PTPRG: variants seen among roughly 807,000 people sequenced by gnomAD.
PTPRG encodes the protein protein tyrosine phosphatase receptor type G.
Under a neutral mutation model 165.3 loss-of-function variants are expected in PTPRG, and 102 were observed. That is an observed-to-expected ratio of 0.62 (90% confidence interval 0.53 to 0.73). The LOEUF is 0.73. Ranked by LOEUF, PTPRG falls within the 30% of genes least tolerant of loss-of-function variation. PTPRG has a pLI of 0.00. For missense variants in PTPRG, 1,866 were observed against 1,861.4 expected (o/e 1.00, Z -0.05); for synonymous variants, 675 against 669.5 (o/e 1.01, Z -0.13).
chr3:62,000,054 A>G (rs704343), intron 3 of PTPRG, among the ~76,000 whole-genome samples: 81,371 of 151,938 alleles, frequency 0.54, 22,442 homozygotes, highest in African/African-American at 0.66. Flanking sequence ...TGTAATCTCG[A>G]CACTTTGGGA....
intron 2 of PTPRG, among the ~76,000 whole-genome samples, chr3:61,879,115 G>A (rs1355830642): frequency 2.0e-5 from 3 of 152,160 alleles, no homozygotes; most frequent in African/African-American, 7.2e-5. Flanking sequence ...GATAAGTAAT[G>A]AACCAAAGGT....
At chr3:61,654,268 C>T (rs1047777282) in intron 1 of PTPRG, among the ~76,000 whole-genome samples, 1 of 152,016 alleles carries the variant, frequency 6.6e-6, no homozygotes, top group African/African-American at 2.4e-5. Flanking sequence ...AATTGATGTG[C>T]GTTCTCAAGT....
Position 62,003,408 on chromosome 3 carries a change from A to G in PTPRG, c.430A>G (p.Lys144Glu), listed in dbSNP as rs780514305. 6.2e-7 allele frequency: 1 copy of G among 1,614,072 alleles called. No individual in the cohort carries two copies. The highest frequency in any genetic ancestry group is 8.5e-7 in the Non-Finnish European group (1 of 1,179,958). The change falls in exon 4 of 30, where the codon AAA becomes GAA. Residue 144 changes from lysine to glutamate, a missense_variant. By Grantham distance (56) the Lys-to-Glu change is moderately conservative. Transcript: ENST00000474889. ...VSGAGLPGRF[K>E]AEKVEFHWGH... ...TGGAGCTGGTCTACCTGGCAGATTCAAAGCTGAGAAGGTGGAATTTCACTG... is the reference window on the plus strand; with the variant it reads ...TGGAGCTGGTCTACCTGGCAGATTCGAAGCTGAGAAGGTGGAATTTCACTG...
intron 2 of PTPRG, among the ~76,000 whole-genome samples, chr3:61,929,907 T>C (rs1032694036): frequency 3.9e-5 from 6 of 152,244 alleles, no homozygotes; most frequent in African/African-American, 7.2e-5. Context: ...GATAACAGTT[T>C]AGACTAAATA....
Position 62,273,067 on chromosome 3 carries a change from C to G in PTPRG, c.3304C>G (p.Leu1102Val), listed in dbSNP as rs774193514. The change falls in exon 22 of 30, where the codon CTC becomes GTC. Residue 1102 changes from leucine (L) to valine (V), a missense_variant. Around this residue, in one of 3 missense-constraint regions of PTPRG, gnomAD observed 1,452 missense variants for 1,463.0 expected, o/e 0.99. Coordinates refer to ENST00000474889, the MANE Select transcript of PTPRG (RefSeq NM_002841.4). The surrounding 1 kb of genome is among the most constrained non-coding windows in gnomAD (Gnocchi z 4.1). ...LKHIRTQRNY[L>V]VQTEEQYIFI... ...GCATATCAGGACACAGCGTAACTAC[C>G]TCGTCCAGACTGAGGTAAGGAGTAG... is the stretch of plus-strand genomic sequence containing the variant. The G allele has an allele frequency of 6.2e-7, 1 of 1,611,676 alleles. No homozygotes were observed. The highest frequency in any genetic ancestry group is 8.5e-7 in the Non-Finnish European group (1 of 1,179,170).
intron 5 of PTPRG, among the ~76,000 whole-genome samples, chr3:62,121,544 T>C (rs935703939): frequency 6.6e-6 from 1 of 152,162 alleles, no homozygotes; most frequent in African/African-American, 2.4e-5. Flanking sequence ...TAGTCTTAGG[T>C]ACCCAGCTTG....
intron 1 of PTPRG, among the ~76,000 whole-genome samples, chr3:61,697,101 A>C (rs2030647867): frequency 6.6e-6 from 1 of 152,168 alleles, no homozygotes. Context: ...TTCTCCCCTG[A>C]GGCAGGTTAT....
intron 2 of PTPRG, among the ~76,000 whole-genome samples, chr3:61,978,881 G>A (rs907189193): frequency 2.0e-5 from 3 of 152,120 alleles, no homozygotes; most frequent in African/African-American, 7.2e-5. Flanking sequence ...GCAAATGCCC[G>A]TTTTGGAGCA....
chr3:61,794,984 C>T (rs1284495059), intron 2 of PTPRG, among the ~76,000 whole-genome samples: 1 of 152,180 alleles, frequency 6.6e-6, no homozygotes, highest in Non-Finnish European at 1.5e-5. Context: ...AGTGACCTCA[C>T]TGTTACTAGT....
chr3:62,140,735 T>C (rs1703894169), intron 6 of PTPRG, among the ~76,000 whole-genome samples: 1 of 151,410 alleles, frequency 6.6e-6, no homozygotes, highest in African/African-American at 2.4e-5. Flanking sequence ...TAGTCCCAGC[T>C]ACTCAGGAGA....
At chr3:61,632,435 C>T (rs1043061957) in intron 1 of PTPRG, among the ~76,000 whole-genome samples, 4 of 152,142 alleles carry the variant, frequency 2.6e-5, no homozygotes, top group African/African-American at 4.8e-5. Flanking sequence ...ATAAAGTGCT[C>T]TTTGTTTCTA....
rs766524191 is a variant in PTPRG, at chr3:62,203,816, C to T, written c.2021C>T (p.Thr674Ile). ...CTGGACCCCGACATGGTCACCTCCA[C>T]CCAAGTGCCCCCCACCGCCACAGAG... ...PGLDPDMVTS[T>I]QVPPTATEEQ... The change falls in exon 12 of 30, where the codon ACC becomes ATC. Residue 674 changes from threonine to isoleucine, a missense_variant. This residue lies in a region of PTPRG where 1,452 missense variants were observed against 1,463.0 expected (regional missense o/e 0.99). Transcript: ENST00000474889. The surrounding 1 kb of genome is among the most constrained non-coding windows in gnomAD (Gnocchi z 6.4). The T allele has an allele frequency of 6.2e-7, 1 of 1,614,026 alleles. No homozygotes were observed. Among genetic ancestry groups the T allele is most frequent in the Non-Finnish European group, 8.5e-7 (1 of 1,180,008 alleles).
At chr3:62,289,357 C>T (rs1218763158) in intron 28 of PTPRG, among the ~76,000 whole-genome samples, 1 of 152,118 alleles carries the variant, frequency 6.6e-6, no homozygotes, top group Admixed American at 6.6e-5. Flanking sequence ...CCTGTTAGGG[C>T]CCACAAGTCC....
At chr3:61,886,482 C>T (rs947368193) in intron 2 of PTPRG, among the ~76,000 whole-genome samples, 1 of 152,092 alleles carries the variant, frequency 6.6e-6, no homozygotes, top group Non-Finnish European at 1.5e-5. Flanking sequence ...GACTAGGAGT[C>T]AGTAAGATAG....
At chr3:61,712,869 C>T (rs2031631876) in intron 1 of PTPRG, among the ~76,000 whole-genome samples, 1 of 152,156 alleles carries the variant, frequency 6.6e-6, no homozygotes. Context: ...CTGCATATGA[C>T]ATTGTAATCA....
chr3:61,826,374 CAT>C (rs1211223107), intron 2 of PTPRG, among the ~76,000 whole-genome samples: 4 of 152,154 alleles, frequency 2.6e-5, no homozygotes, highest in African/African-American at 9.7e-5. Flanking sequence ...AAGATAATGA[CAT>C]GCGGGTTATT....
intron 1 of PTPRG, among the ~76,000 whole-genome samples, chr3:61,740,082 C>T (rs563219743): frequency 7.9e-5 from 12 of 152,320 alleles, no homozygotes; most frequent in Middle Eastern, 3.4e-3. Context: ...CATGTAATCT[C>T]TCTGCTGTTT....
chr3:61,882,388 G>T lies in PTPRG; in HGVS notation c.191-107237G>T, dbSNP rs142220422. On this transcript the variant is annotated intron_variant, in intron 2 of 29. Coordinates refer to ENST00000474889, the MANE Select transcript of PTPRG (RefSeq NM_002841.4). Reference sequence around the variant, plus strand: ...AATGTCCCTGAAACTATACTGTTCTGAGATGACACAGTTTGAAATTAGGTG... The same window carrying T: ...AATGTCCCTGAAACTATACTGTTCTTAGATGACACAGTTTGAAATTAGGTG... Among the ~76,000 whole-genome samples, 71 of 152,272 alleles carry T rather than the reference G, an allele frequency of 4.7e-4. 1 individual carries two copies. The East Asian group carries it at 6.6e-3, about 14-fold the overall frequency.
chr3:61,655,174 G>A (rs13081664), intron 1 of PTPRG, among the ~76,000 whole-genome samples: 4 of 152,048 alleles, frequency 2.6e-5, no homozygotes, highest in East Asian at 1.9e-4. Context: ...TTGAGTCGCC[G>A]AGTCCCCTGC....
Sources: allele counts gnomAD v4.1 joint callset (sites outside exome capture counted in the v4.1 genomes callset), GRCh38; gene constraint gnomAD v4.1.1; regional missense constraint gnomAD v4.1.1; non-coding constraint Gnocchi (gnomAD v3.1); transcripts MANE v1.5; gene names NCBI Gene and HGNC (gene_info 2026-07-23, HGNC 2026-07-21).